Variants in ARMH3 observed in about 807,000 individuals in gnomAD.
ARMH3 encodes armadillo like helical domain containing 3, also known as armadillo-like helical domain-containing protein 3.
Under a neutral mutation model 99.1 loss-of-function variants are expected in ARMH3, and 60 were observed. The observed-to-expected ratio is 0.61, with a 90% CI of 0.49 to 0.75. The LOEUF (loss-of-function observed/expected upper bound fraction) is 0.75. Among genes scored for constraint, ARMH3 ranks in the 30% least tolerant of loss-of-function variants. The pLI, the probability that ARMH3 is intolerant of heterozygous loss-of-function variation, is 0.00. For synonymous variants in ARMH3, 285 were observed against 292.8 expected (o/e 0.97, Z 0.27); for missense variants, 679 against 843.1 (o/e 0.81, Z 2.41).
chr10:102,015,324 C>A (rs760654715), intron 8 of ARMH3, among the ~76,000 whole-genome samples: 1 of 151,864 alleles, frequency 6.6e-6, no homozygotes, highest in African/African-American at 2.4e-5. Flanking sequence ...AAAGAGCAGA[C>A]CACTATTTCT....
At chr10:101,980,200 T>C (rs145522009) in intron 19 of ARMH3, among the ~76,000 whole-genome samples, 1 of 152,218 alleles carries the variant, frequency 6.6e-6, no homozygotes, top group East Asian at 1.9e-4. Flanking sequence ...GCTTAAGTCT[T>C]ATTATACTAA....
At chr10:101,983,992 A>G (rs1488073516) in intron 19 of ARMH3, among the ~76,000 whole-genome samples, 1 of 152,112 alleles carries the variant, frequency 6.6e-6, no homozygotes, top group Non-Finnish European at 1.5e-5. Flanking sequence ...CCCTAAACCC[A>G]TGGGATCTGA....
intron 24 of ARMH3, among the ~76,000 whole-genome samples, chr10:101,876,264 A>AC (rs1298916520): frequency 6.6e-6 from 1 of 151,520 alleles, no homozygotes; most frequent in African/African-American, 2.4e-5. Context: ...AAAAAAAAAA[A>AC]AAAACAACTT....
intron 22 of ARMH3, among the ~76,000 whole-genome samples, chr10:101,948,933 G>T (rs184222893): frequency 6.6e-6 from 1 of 151,984 alleles, no homozygotes; most frequent in Non-Finnish European, 1.5e-5. Flanking sequence ...ATTACTAACA[G>T]AAGAATATCT....
intron 24 of ARMH3, among the ~76,000 whole-genome samples, chr10:101,856,269 G>A (rs957622172): frequency 4.6e-5 from 7 of 152,176 alleles, no homozygotes; most frequent in African/African-American, 1.7e-4. Flanking sequence ...AAATTTTACA[G>A]ATCACTCCAA....
At chr10:101,954,267 C>T (rs886182043) in intron 22 of ARMH3, among the ~76,000 whole-genome samples, 4 of 152,132 alleles carry the variant, frequency 2.6e-5, no homozygotes, top group South Asian at 4.1e-4. Context: ...TATTTATCAT[C>T]GCTAAAAACT....
chr10:101,988,162 G>C (rs926054078), intron 19 of ARMH3, among the ~76,000 whole-genome samples: 1 of 152,126 alleles, frequency 6.6e-6, no homozygotes, highest in Non-Finnish European at 1.5e-5. Flanking sequence ...ATACACCTGG[G>C]AATGTAACAG....
Position 101,938,467 on chromosome 10 carries a change from A to G in ARMH3, c.1781+1396T>C, listed in dbSNP as rs537612723. On this transcript the variant is annotated intron_variant, in intron 23 of 25. Coordinates refer to ENST00000370033, the MANE Select transcript of ARMH3 (RefSeq NM_024541.3). ...ACCACTGAAAGGAAAAGCAGAAGAT[A>G]AGGCAAGTATAAAGGAATGTGATCA... Among the ~76,000 whole-genome samples the G allele has an allele frequency of 7.2e-5, 11 of 152,362 alleles. 1 individual carries two copies. In the South Asian group the frequency reaches 2.1e-3, roughly 29 times the overall value.
chr10:101,968,201 T>C (rs940930260), intron 20 of ARMH3, among the ~76,000 whole-genome samples: 3 of 152,152 alleles, frequency 2.0e-5, no homozygotes, highest in African/African-American at 7.2e-5. Context: ...GTAGGGTCCC[T>C]GTGCAGCTGC....
At chr10:101,956,476 A>G in intron 22 of ARMH3, 121 bp downstream of exon 22, 1 of 1,307,410 alleles carries the variant, frequency 7.6e-7, no homozygotes, top group Non-Finnish European at 1.1e-6. Context: ...GGAGACTACT[A>G]TATTTCTGTG....
chr10:102,019,328 C>T (rs572465317), intron 8 of ARMH3, among the ~76,000 whole-genome samples: 2 of 151,950 alleles, frequency 1.3e-5, no homozygotes, highest in African/African-American at 2.4e-5. Flanking sequence ...GGATTACAGG[C>T]ATAAGCCACC....
At chr10:101,875,163 C>T (rs1415231372) in intron 24 of ARMH3, among the ~76,000 whole-genome samples, 2 of 152,074 alleles carry the variant, frequency 1.3e-5, no homozygotes, top group Admixed American at 6.5e-5. Context: ...AAAGCAGGTC[C>T]TGAGAGCTTC....
chr10:102,037,504 G>C (rs2067305895), intron 2 of ARMH3, among the ~76,000 whole-genome samples: 1 of 151,936 alleles, frequency 6.6e-6, no homozygotes, highest in African/African-American at 2.4e-5. Flanking sequence ...TTTTAATGGA[G>C]AATGGCATAA....
chr10:102,045,822 C>T (rs941044359), intron 1 of ARMH3, among the ~76,000 whole-genome samples: 4 of 152,016 alleles, frequency 2.6e-5, no homozygotes, highest in Admixed American at 6.6e-5. Flanking sequence ...GGGCCAGGCG[C>T]GGTGGCTCAC....
intron 20 of ARMH3, among the ~76,000 whole-genome samples, chr10:101,965,746 G>A (rs931255005): frequency 4.6e-5 from 7 of 152,108 alleles, no homozygotes; most frequent in African/African-American, 1.7e-4. Flanking sequence ...TTTCTTCATT[G>A]GCAAGTCTTT....
At chr10:101,941,500 T>G (rs1275227755) in intron 22 of ARMH3, among the ~76,000 whole-genome samples, 1 of 152,182 alleles carries the variant, frequency 6.6e-6, no homozygotes, top group African/African-American at 2.4e-5. Flanking sequence ...TCTGAAGAGC[T>G]GCAGCAGAAG....
chr10:101,997,586 G>A (rs796366139), intron 15 of ARMH3, among the ~76,000 whole-genome samples: 23 of 148,438 alleles, frequency 1.5e-4, no homozygotes, highest in South Asian at 6.4e-4. Context: ...GCAAGACTCC[G>A]TCTCAAAAAA....
intron 24 of ARMH3, among the ~76,000 whole-genome samples, chr10:101,868,945 G>T (rs890247953): frequency 2.0e-5 from 3 of 151,842 alleles, no homozygotes; most frequent in Non-Finnish European, 4.4e-5. Context: ...GGTGGCAGGC[G>T]CCTGTAATCC....
At chr10:101,990,180 T>C (rs950902035) in intron 19 of ARMH3, among the ~76,000 whole-genome samples, 10 of 141,380 alleles carry the variant, frequency 7.1e-5, no homozygotes, top group South Asian at 2.3e-4. Context: ...ATGAACTTTC[T>C]TTTTTTTTTT....
Sources: allele counts gnomAD v4.1 joint callset (sites outside exome capture counted in the v4.1 genomes callset), GRCh38; gene constraint gnomAD v4.1.1; transcripts MANE v1.5; gene names NCBI Gene and HGNC (gene_info 2026-07-23, HGNC 2026-07-21).